DLGAP1: variants seen among roughly 807,000 people sequenced by gnomAD.
DLGAP1 encodes disks large-associated protein 1.
Under a neutral mutation model 90.8 loss-of-function variants are expected in DLGAP1, and 11 were observed. The observed-to-expected ratio is 0.12, with a 90% CI of 0.08 to 0.20. DLGAP1 has a LOEUF of 0.20. DLGAP1 is among the 10% of genes least tolerant of loss of function. The pLI, the probability that DLGAP1 is intolerant of heterozygous loss-of-function variation, is 1.00. For missense variants in DLGAP1, 1,050 were observed against 1,333.8 expected (o/e 0.79, Z 3.31); for synonymous variants, 558 against 540.7 (o/e 1.03, Z -0.44).
intron 3 of DLGAP1, among the ~76,000 whole-genome samples, chr18:3,926,630 A>C (rs1425762582): frequency 6.6e-6 from 1 of 152,010 alleles, no homozygotes; most frequent in Non-Finnish European, 1.5e-5. Context: ...AGATATCTAC[A>C]TAGAGCTCTC....
At chr18:4,114,689 C>A (rs1306467288) in intron 2 of DLGAP1, among the ~76,000 whole-genome samples, 2 of 151,878 alleles carry the variant, frequency 1.3e-5, no homozygotes, top group African/African-American at 2.4e-5. Flanking sequence ...ACCCTGTTAT[C>A]TTTATGAAAT....
intron 1 of DLGAP1, among the ~76,000 whole-genome samples, chr18:4,439,981 G>A (rs59245198): frequency 0.35 from 52,291 of 151,028 alleles, 9,162 homozygotes; most frequent in East Asian, 0.46. Flanking sequence ...TTAGCCAGGC[G>A]TGGTGGCAGG....
chr18:3,997,932 C>A (rs2074103174), intron 3 of DLGAP1, among the ~76,000 whole-genome samples: 1 of 151,992 alleles, frequency 6.6e-6, no homozygotes, highest in Admixed American at 6.6e-5. Flanking sequence ...ATTTCAAATG[C>A]TCAGTAGCCA....
At chr18:4,088,759 T>C (rs548310085) in intron 2 of DLGAP1, among the ~76,000 whole-genome samples, 1 of 152,254 alleles carries the variant, frequency 6.6e-6, no homozygotes, top group South Asian at 2.1e-4. Flanking sequence ...TTCCTTCATG[T>C]TAAAAAAACT....
At chr18:4,063,492 G>T (rs1016402170) in intron 2 of DLGAP1, among the ~76,000 whole-genome samples, 14 of 152,012 alleles carry the variant, frequency 9.2e-5, no homozygotes, top group Middle Eastern at 3.2e-3. Context: ...AACAGCTATT[G>T]GTTGGCCACC....
intron 3 of DLGAP1, among the ~76,000 whole-genome samples, chr18:3,971,305 T>C (rs2073443817): frequency 6.6e-6 from 1 of 152,222 alleles, no homozygotes; most frequent in East Asian, 1.9e-4. Context: ...TGCTTTCCAT[T>C]AGTTTAGAAT....
rs142251989 is a variant in DLGAP1, at chr18:4,242,146, T to C, written c.-266-90859A>G. On this transcript the variant is annotated intron_variant, in intron 1 of 12. Transcript: ENST00000315677. ...GACCTAGTAATGTATGATTCTGATT[T>C]TTTGTAGAATGTGTCTTTTCATTAC... 1.6e-4 allele frequency among the ~76,000 whole-genome samples: 25 copies of C among 152,240 alleles called. No individual in the cohort carries two copies. In the East Asian group the frequency reaches 4.3e-3, roughly 26 times the overall value.
intron 3 of DLGAP1, among the ~76,000 whole-genome samples, chr18:3,909,468 T>G (rs542718305): frequency 1.3e-5 from 2 of 152,354 alleles, no homozygotes; most frequent in East Asian, 3.9e-4. Flanking sequence ...AGGGACCGAC[T>G]GTCTAGTACT....
intron 3 of DLGAP1, among the ~76,000 whole-genome samples, chr18:3,984,697 A>G (rs1393576082): frequency 6.6e-6 from 1 of 151,886 alleles, no homozygotes; most frequent in African/African-American, 2.4e-5. Flanking sequence ...GTTGAGGCCT[A>G]TTTATGTTAG....
At position 3,879,653 on chromosome 18, in the gene DLGAP1, C is replaced by T. The variant is rs766975713; in HGVS notation, c.416G>A (p.Arg139His). ...EHRSDSPGRI[R>H]HLVHSVQKLF... ...CTTCTGGACCGAGTGCACCAGGTGG[C>T]GGATGCGGCCGGGGCTGTCGCTGCG... Residue 139 changes from arginine to histidine, a missense_variant, in exon 4 of 13, where the codon CGC becomes CAC. Physicochemically the swap from Arg to His is conservative, Grantham distance 29. This residue lies in a region of DLGAP1 where 485 missense variants were observed against 454.1 expected (regional missense o/e 1.07). Transcript: ENST00000315677. This position sits in a 1 kb window ranked among gnomAD's most constrained non-coding sequence, Gnocchi z 6.6. 3 of 1,605,342 alleles carry T rather than the reference C, an allele frequency of 1.9e-6. No individual in the cohort carries two copies. Among genetic ancestry groups the T allele is most frequent in the East Asian group, 2.2e-5 (1 of 44,844 alleles).
intron 2 of DLGAP1, among the ~76,000 whole-genome samples, chr18:4,041,943 T>A (rs562075156): frequency 5.9e-5 from 9 of 152,334 alleles, no homozygotes; most frequent in African/African-American, 2.2e-4. Context: ...TACCGGGCTG[T>A]GGGCAGAGAT....
At chr18:4,081,359 C>G (rs951405585) in intron 2 of DLGAP1, among the ~76,000 whole-genome samples, 2 of 151,782 alleles carry the variant, frequency 1.3e-5, no homozygotes, top group Non-Finnish European at 2.9e-5. Flanking sequence ...AGTTGACCTT[C>G]CAACAAACCT....
intron 3 of DLGAP1, among the ~76,000 whole-genome samples, chr18:3,932,260 T>C (rs1035438802): frequency 1.3e-5 from 2 of 152,140 alleles, no homozygotes; most frequent in Admixed American, 1.3e-4. Context: ...AGTACACACA[T>C]ATAGCCCAGG....
At chr18:4,413,326 C>T (rs1218371695) in intron 1 of DLGAP1, among the ~76,000 whole-genome samples, 5 of 152,212 alleles carry the variant, frequency 3.3e-5, no homozygotes, top group South Asian at 2.1e-4. Context: ...CCCAACAGCC[C>T]GGCAGGTGGA....
rs938142322 is a variant in DLGAP1 at position 3,517,609 on chromosome 18, G to A, written c.2480-8948C>T. Reference sequence around the variant, plus strand: ...GAGGCGGGTGGGTTACCTGAGGTCAGGAGGTCGAGACAAGCCTGACCAACA... The same window carrying A: ...GAGGCGGGTGGGTTACCTGAGGTCAAGAGGTCGAGACAAGCCTGACCAACA... On this transcript the variant is annotated intron_variant, in intron 10 of 12. Transcript: ENST00000315677. This position sits in a 1 kb window ranked among gnomAD's most constrained non-coding sequence, Gnocchi z 4.1. 2.0e-5 allele frequency among the ~76,000 whole-genome samples: 3 copies of A among 152,158 alleles called. No homozygotes were observed. Among genetic ancestry groups the A allele is most frequent in the African/African-American group, 7.2e-5 (3 of 41,434 alleles).
At chr18:4,133,172 T>C (rs774954406) in intron 2 of DLGAP1, among the ~76,000 whole-genome samples, 8 of 152,066 alleles carry the variant, frequency 5.3e-5, no homozygotes, top group Admixed American at 3.9e-4. Flanking sequence ...AAGGTGACAA[T>C]AGAGAAGTGC....
intron 4 of DLGAP1, among the ~76,000 whole-genome samples, chr18:3,849,985 T>G (rs541664867): frequency 6.6e-6 from 1 of 152,302 alleles, no homozygotes; most frequent in Non-Finnish European, 1.5e-5. Context: ...TTTCTATATC[T>G]TTCTCTGGCC....
In DLGAP1 at chr18:4,342,515, A is replaced by G. The variant is rs1000931758; in HGVS notation, c.-267+112491T>C. Among the ~76,000 whole-genome samples the G allele has an allele frequency of 3.9e-5, 6 of 152,160 alleles. No individual in the cohort carries two copies. The highest frequency in any genetic ancestry group is 7.3e-5 in the Non-Finnish European group (5 of 68,028). ...ATGGCCTAATGTTACCTCATTGCCC[A>G]CTTTGAAAGACCATATGGTGCATTT... is the stretch of plus-strand genomic sequence containing the variant. On this transcript the variant is annotated intron_variant, in intron 1 of 12. Transcript: ENST00000315677. The surrounding 1 kb of genome is among the most constrained non-coding windows in gnomAD (Gnocchi z 5.8).
At position 3,835,548 on chromosome 18, in the gene DLGAP1, C is replaced by A. The variant is rs144169070; in HGVS notation, c.958-21275G>T. Among the ~76,000 whole-genome samples the A allele has an allele frequency of 3.4e-3, 519 of 150,764 alleles. 3 individuals are homozygous for A. Among genetic ancestry groups the A allele is most frequent in the Middle Eastern group, 0.024 (7 of 292 alleles). ...ACTGTAGTTCCAGCTACTTGGGAGGCTGAGGCAGGAGAATCGCTTGAATCT... is the reference window on the plus strand; with the variant it reads ...ACTGTAGTTCCAGCTACTTGGGAGGATGAGGCAGGAGAATCGCTTGAATCT... On this transcript the variant is annotated intron_variant, in intron 4 of 12. Transcript: ENST00000315677.
Sources: gnomAD v4.1 joint callset for allele counts (sites outside exome capture counted in the v4.1 genomes callset) on GRCh38, gnomAD v4.1.1 for gene constraint, gnomAD v4.1.1 regional missense constraint, Gnocchi (gnomAD v3.1) non-coding constraint, MANE v1.5 for transcripts, NCBI Gene and HGNC (gene_info 2026-07-23, HGNC 2026-07-21) for gene names.